C1QTNF3: variants seen among roughly 807,000 people sequenced by gnomAD.
C1QTNF3 encodes C1q and TNF related 3, also known as complement C1q tumor necrosis factor-related protein 3.
A neutral mutation model predicts 32.6 loss-of-function variants in C1QTNF3; 26 were observed. The ratio of observed to expected loss-of-function variants is 0.80; its 90% confidence interval spans 0.58 to 1.11. The LOEUF (loss-of-function observed/expected upper bound fraction) is 1.11, where lower values mean the gene tolerates loss of function less well. Ranked by LOEUF, C1QTNF3 falls within the 50% of genes least tolerant of loss-of-function variation. C1QTNF3 has a pLI of 0.00. For synonymous variants in C1QTNF3, 155 were observed against 146.0 expected (o/e 1.06, Z -0.44); for missense variants, 362 against 398.2 (o/e 0.91, Z 0.77).
intron 4 of C1QTNF3, among the ~76,000 whole-genome samples, chr5:34,025,018 G>A (rs1403968732): frequency 6.6e-6 from 1 of 152,184 alleles, no homozygotes; most frequent in Non-Finnish European, 1.5e-5. Context: ...AGTTGTAAGG[G>A]TGCCATGTCA....
At chr5:34,142,724 A>G in the C1QTNF3 span, among the ~76,000 whole-genome samples, 1 of 152,354 alleles carries the variant, frequency 6.6e-6, no homozygotes, top group Admixed American at 6.5e-5. Context: ...CTCAGCCACA[A>G]ATAAAGACCT....
chr5:34,156,509 C>G, the C1QTNF3 span, among the ~76,000 whole-genome samples: 1 of 152,162 alleles, frequency 6.6e-6, no homozygotes, highest in Non-Finnish European at 1.5e-5. Context: ...ATGTCTAATA[C>G]TATGTGGTTA....
intron 1 of C1QTNF3, among the ~76,000 whole-genome samples, chr5:34,042,123 C>T (rs1754885388): frequency 6.6e-6 from 1 of 151,662 alleles, no homozygotes; most frequent in Non-Finnish European, 1.5e-5. Context: ...CACTCTCATA[C>T]TACCAAGAGT....
the C1QTNF3 span, among the ~76,000 whole-genome samples, chr5:34,240,438 AT>A: frequency 2.0e-5 from 3 of 151,426 alleles, no homozygotes; most frequent in Admixed American, 2.0e-4. Context: ...CAAAAACGAC[AT>A]TAAAAATGGT....
chr5:34,071,852 G>A, the C1QTNF3 span, among the ~76,000 whole-genome samples: 1 of 152,186 alleles, frequency 6.6e-6, no homozygotes, highest in African/African-American at 2.4e-5. Context: ...ACTGTTCCAA[G>A]CTGAAGTTCC....
chr5:34,050,949 G>T, the C1QTNF3 span, among the ~76,000 whole-genome samples: 4 of 152,292 alleles, frequency 2.6e-5, no homozygotes, highest in Admixed American at 1.3e-4. Flanking sequence ...TTCAGATAAA[G>T]TGAGTTCTAG....
the C1QTNF3 span, among the ~76,000 whole-genome samples, chr5:34,212,257 G>A: frequency 2.0e-5 from 3 of 151,862 alleles, no homozygotes; most frequent in Non-Finnish European, 4.4e-5. Flanking sequence ...ATTAATTCAA[G>A]ATGGATTAAA....
the C1QTNF3 span, among the ~76,000 whole-genome samples, chr5:34,119,002 C>A: frequency 2.8e-3 from 425 of 152,044 alleles, 1 homozygote; most frequent in African/African-American, 9.6e-3. Context: ...AGACAATGAA[C>A]CTCACTGACT....
At chr5:34,030,127 A>G (rs891392808) in intron 3 of C1QTNF3, among the ~76,000 whole-genome samples, 1 of 152,246 alleles carries the variant, frequency 6.6e-6, no homozygotes, top group African/African-American at 2.4e-5. Flanking sequence ...TTAGAACAGC[A>G]AAAATTTCTC....
At chr5:34,178,329 G>C in the C1QTNF3 span, among the ~76,000 whole-genome samples, 5 of 152,132 alleles carry the variant, frequency 3.3e-5, no homozygotes, top group African/African-American at 9.7e-5. Context: ...GAATGAACAA[G>C]GGTGCATATC....
chr5:34,087,873 T>G, the C1QTNF3 span, among the ~76,000 whole-genome samples: 1 of 152,250 alleles, frequency 6.6e-6, no homozygotes, highest in Admixed American at 6.5e-5. Flanking sequence ...CATGAGCCAC[T>G]GCATCTGGCC....
At chr5:34,080,083 G>C in the C1QTNF3 span, among the ~76,000 whole-genome samples, 1 of 151,550 alleles carries the variant, frequency 6.6e-6, no homozygotes, top group Non-Finnish European at 1.5e-5. Context: ...GCAGTTTTTT[G>C]TATGCCAATC....
At chr5:34,230,961 T>C in the C1QTNF3 span, among the ~76,000 whole-genome samples, 7 of 137,190 alleles carry the variant, frequency 5.1e-5, no homozygotes, top group Non-Finnish European at 9.8e-5. Context: ...TTTTTTGCAA[T>C]TTCTTAGACT....
chr5:34,157,460 T>C, the C1QTNF3 span, among the ~76,000 whole-genome samples: 23 of 152,204 alleles, frequency 1.5e-4, no homozygotes, highest in Admixed American at 1.5e-3. Context: ...CAAAGATGTT[T>C]GCATTGTTGT....
the C1QTNF3 span, among the ~76,000 whole-genome samples, chr5:34,236,069 G>A: frequency 6.6e-6 from 1 of 152,180 alleles, no homozygotes; most frequent in African/African-American, 2.4e-5. Context: ...AACGTATACA[G>A]AAGAGTGCAT....
the C1QTNF3 span, among the ~76,000 whole-genome samples, chr5:34,064,957 T>C: frequency 1.3e-5 from 2 of 152,228 alleles, no homozygotes; most frequent in Non-Finnish European, 2.9e-5. Context: ...GAAAAACTTA[T>C]GATATACCCT....
chr5:34,055,671 T>G, the C1QTNF3 span, among the ~76,000 whole-genome samples: 1 of 152,382 alleles, frequency 6.6e-6, no homozygotes, highest in Non-Finnish European at 1.5e-5. Flanking sequence ...AGTTTAAGGC[T>G]ACAGATTAAT....
chr5:34,077,776 C>T, the C1QTNF3 span, among the ~76,000 whole-genome samples: 1 of 151,404 alleles, frequency 6.6e-6, no homozygotes, highest in Non-Finnish European at 1.5e-5. Context: ...GACAGTGTAA[C>T]TTTTAGATAA....
At chr5:34,142,383 G>A in the C1QTNF3 span, among the ~76,000 whole-genome samples, 1 of 149,684 alleles carries the variant, frequency 6.7e-6, no homozygotes, top group African/African-American at 2.5e-5. Context: ...AGTGAGCCGA[G>A]ATTGTGCCAC....
Sources: gnomAD v4.1 joint callset for allele counts (sites outside exome capture counted in the v4.1 genomes callset) on GRCh38, gnomAD v4.1.1 for gene constraint, MANE v1.5 for transcripts, NCBI Gene and HGNC (gene_info 2026-07-23, HGNC 2026-07-21) for gene names.